Variants in INPP4B observed in about 807,000 individuals in gnomAD.
INPP4B encodes the protein inositol polyphosphate-4-phosphatase type II B, also known as inositol polyphosphate 4-phosphatase type II.
Under a neutral mutation model 122.5 loss-of-function variants are expected in INPP4B, and 55 were observed. That is an observed-to-expected ratio of 0.45 (90% CI 0.36 to 0.56). The LOEUF is 0.56. INPP4B is among the 20% of genes least tolerant of loss of function. INPP4B has a pLI of 0.00. For missense variants in INPP4B, 1,000 were observed against 1,097.7 expected, an observed-to-expected ratio of 0.91 and a Z score of 1.26; for synonymous variants, 403 against 388.7, an observed-to-expected ratio of 1.04 and a Z score of -0.43.
chr4:142,145,782 CA>C, intron 18 of INPP4B, 57 bp downstream of exon 18: 1 of 1,501,348 alleles, frequency 6.7e-7, no homozygotes, highest in Non-Finnish European at 9.1e-7. Context: ...ATTTTTTTTT[CA>C]CGAGTTTCTC....
intron 7 of INPP4B, among the ~76,000 whole-genome samples, chr4:142,333,996 C>G (rs751832844): frequency 3.4e-4 from 52 of 152,210 alleles, no homozygotes; most frequent in Non-Finnish European, 6.8e-4. Context: ...AAAGTCTGTA[C>G]CCTTTGATCA....
chr4:142,510,655 G>A (rs1301676955), intron 2 of INPP4B, among the ~76,000 whole-genome samples: 2 of 152,094 alleles, frequency 1.3e-5, no homozygotes, highest in Non-Finnish European at 2.9e-5. Flanking sequence ...TTGAGTAATA[G>A]ACCTTAAATA....
At position 142,622,647 on chromosome 4, in the gene INPP4B, C is replaced by A. The variant is rs182782626; in HGVS notation, c.-191+103192G>T. ...AGGGGAGAAAGAGAAAACTCAAAGACAATTAATGAGGATCAATGGTGATCC... is the reference window on the plus strand; with the variant it reads ...AGGGGAGAAAGAGAAAACTCAAAGAAAATTAATGAGGATCAATGGTGATCC... On this transcript the variant is annotated intron_variant, in intron 2 of 25. Transcript: ENST00000262992. 2.6e-5 allele frequency among the ~76,000 whole-genome samples: 4 copies of A among 151,960 alleles called. No homozygotes were observed. The East Asian group carries it at 5.8e-4, about 22-fold the overall frequency.
chr4:142,677,967 T>C (rs2150668856), intron 2 of INPP4B, among the ~76,000 whole-genome samples: 1 of 151,988 alleles, frequency 6.6e-6, no homozygotes, highest in Non-Finnish European at 1.5e-5. Context: ...TCTGCACATG[T>C]ATCCCAGAAC....
chr4:142,687,559 CAAAAAAAAAA>C (rs3080815), intron 2 of INPP4B, among the ~76,000 whole-genome samples: 1 of 100,608 alleles, frequency 9.9e-6, no homozygotes, highest in Non-Finnish European at 2.0e-5. Context: ...ATCCTTCCTC[CAAAAAAAAAA>C]AAAAAAAAAA....
chr4:142,268,349 A>AAAAAAAAAAAAAAAGGG (rs1579529886), intron 10 of INPP4B, among the ~76,000 whole-genome samples: 1 of 142,880 alleles, frequency 7.0e-6, no homozygotes, highest in Non-Finnish European at 1.5e-5. Context: ...AAAAAAAATG[A>AAAAAAAAAAAAAAAGGG]GGGGTAAGTA....
intron 3 of INPP4B, among the ~76,000 whole-genome samples, chr4:142,431,929 G>A (rs1269027397): frequency 6.6e-6 from 1 of 152,012 alleles, no homozygotes; most frequent in African/African-American, 2.4e-5. Flanking sequence ...GGAGTCTTTT[G>A]CTGCTCTACT....
At chr4:142,722,535 A>G (rs1453320454) in intron 2 of INPP4B, among the ~76,000 whole-genome samples, 1 of 152,228 alleles carries the variant, frequency 6.6e-6, no homozygotes. Flanking sequence ...TACCCAGAAG[A>G]GTTAAAAAGA....
chr4:142,624,233 T>C (rs1211823603), intron 2 of INPP4B, among the ~76,000 whole-genome samples: 7 of 151,892 alleles, frequency 4.6e-5, no homozygotes, highest in Non-Finnish European at 1.0e-4. Flanking sequence ...GCACCTGTTG[T>C]TTCCTGACTT....
intron 25 of INPP4B, among the ~76,000 whole-genome samples, chr4:142,038,399 A>G (rs560381171): frequency 9.2e-5 from 14 of 152,200 alleles, no homozygotes; most frequent in Non-Finnish European, 2.1e-4. Context: ...GAAATTACTC[A>G]AAAGACATAA....
chr4:142,482,105 T>C (rs1820627023), intron 2 of INPP4B, among the ~76,000 whole-genome samples: 1 of 152,176 alleles, frequency 6.6e-6, no homozygotes, highest in Non-Finnish European at 1.5e-5. Flanking sequence ...TATGTCTAAA[T>C]GCATGAAGGA....
chr4:142,337,309 C>T (rs530140509), intron 7 of INPP4B, among the ~76,000 whole-genome samples: 8 of 152,062 alleles, frequency 5.3e-5, no homozygotes, highest in Admixed American at 5.2e-4. Flanking sequence ...ATGTGTAAAT[C>T]ACTTTCTAGG....
At chr4:142,293,220 A>G (rs1322704190) in intron 9 of INPP4B, among the ~76,000 whole-genome samples, 1 of 151,978 alleles carries the variant, frequency 6.6e-6, no homozygotes, top group African/African-American at 2.4e-5. Flanking sequence ...TTGTATTTTT[A>G]GTAGAGACGG....
At chr4:142,299,945 G>A (rs1297251206) in intron 9 of INPP4B, among the ~76,000 whole-genome samples, 2 of 152,070 alleles carry the variant, frequency 1.3e-5, no homozygotes, top group Non-Finnish European at 2.9e-5. Context: ...TGCCATTATA[G>A]AAGTATTCAT....
At chr4:142,747,257 C>G (rs957464976) in intron 1 of INPP4B, among the ~76,000 whole-genome samples, 1 of 151,720 alleles carries the variant, frequency 6.6e-6, no homozygotes, top group African/African-American at 2.4e-5. Flanking sequence ...ATGTGGCCAA[C>G]AAACATGAAA....
intron 11 of INPP4B, among the ~76,000 whole-genome samples, chr4:142,259,069 T>C (rs1428643138): frequency 3.3e-5 from 5 of 151,712 alleles, no homozygotes; most frequent in African/African-American, 1.2e-4. Flanking sequence ...ATGCATGAAA[T>C]TGGAAATCAT....
chr4:142,406,707 C>G (rs1803459092), intron 5 of INPP4B, among the ~76,000 whole-genome samples: 1 of 152,140 alleles, frequency 6.6e-6, no homozygotes, highest in African/African-American at 2.4e-5. Flanking sequence ...CCTCTAGTAA[C>G]AGAAGAGAGC....
At chr4:142,268,848 G>C (rs1744326061) in intron 10 of INPP4B, among the ~76,000 whole-genome samples, 1 of 152,036 alleles carries the variant, frequency 6.6e-6, no homozygotes, top group Admixed American at 6.6e-5. Context: ...GTTAAGATTG[G>C]GAACTGAAAC....
chr4:142,260,890 G>C (rs1169960959), intron 10 of INPP4B, among the ~76,000 whole-genome samples: 6 of 152,132 alleles, frequency 3.9e-5, no homozygotes, highest in African/African-American at 1.4e-4. Context: ...GAATCATTTT[G>C]TATTTCTTTC....
Sources: allele counts gnomAD v4.1 joint callset (sites outside exome capture counted in the v4.1 genomes callset), GRCh38; gene constraint gnomAD v4.1.1; transcripts MANE v1.5; gene names NCBI Gene and HGNC (gene_info 2026-07-23, HGNC 2026-07-21).